CATSPERD: variants seen among roughly 807,000 people sequenced by gnomAD.
The protein encoded by CATSPERD is catsper channel auxiliary subunit delta.
CATSPERD carries 86 observed loss-of-function variants against 98.1 expected under a neutral mutation model. The observed-to-expected ratio is 0.88, with a 90% CI of 0.74 to 1.05. The LOEUF is 1.05. CATSPERD is among the 50% of genes least tolerant of loss of function. The pLI is 0.00. For synonymous variants in CATSPERD, 394 were observed against 390.2 expected (o/e 1.01, Z -0.12); for missense variants, 995 against 1,005.7 (o/e 0.99, Z 0.14).
intron 15 of CATSPERD, among the ~76,000 whole-genome samples, chr19:5,761,021 T>G (rs1327006475): frequency 2.9e-5 from 4 of 137,122 alleles, no homozygotes; most frequent in African/African-American, 1.0e-4. Flanking sequence ...TTGTGAAGTT[T>G]TTTTTATTTG....
intron 12 of CATSPERD, 50 bp from the exon 13 acceptor site, chr19:5,754,082 T>C (rs1345758801): frequency 7.5e-7 from 1 of 1,330,294 alleles, no homozygotes; most frequent in East Asian, 2.3e-5. Flanking sequence ...TTGCCCTTTC[T>C]TTATGGGAAC....
intron 3 of CATSPERD, 137 bp from the exon 4 acceptor site, chr19:5,729,735 A>G (rs1011471896): frequency 3.5e-6 from 2 of 568,254 alleles, no homozygotes; most frequent in Non-Finnish European, 6.3e-6. Context: ...TATGCAAAAT[A>G]AGTAAATTAT....
At position 5,778,561 on chromosome 19, in the gene CATSPERD, A is replaced by G; in HGVS notation, c.2282A>G (p.Gln761Arg). Residue 761 changes from glutamine to arginine, a missense_variant, in exon 22 of 22, where the codon CAG becomes CGG. Coordinates refer to ENST00000381624, the MANE Select transcript of CATSPERD (RefSeq NM_152784.4). The part of the protein sequence containing the change: ...RGRRIKKCAT[Q>R]LCRRCKTVCQ... ...CGCAGGATCAAGAAGTGTGCGACAC[A>G]GCTGTGTAGGAGATGCAAGACGGTC... The G allele has an allele frequency of 6.2e-7, 1 of 1,613,954 alleles. No individual in the cohort carries two copies. The highest frequency in any genetic ancestry group is 8.5e-7 in the Non-Finnish European group (1 of 1,180,024).
Position 5,759,566 on chromosome 19 carries a change from C to CAA in CATSPERD, c.1427+440_1427+441dup, listed in dbSNP as rs35459854. 6.1e-3 allele frequency among the ~76,000 whole-genome samples: 509 copies of CAA among 84,010 alleles called. 6 individuals carry two copies. Among genetic ancestry groups the CAA allele is most frequent in the African/African-American group, 0.023 (490 of 21,478 alleles). The allele number at this position is 84,010 out of a possible 152,430, so 55.1% of individuals were successfully genotyped here. On this transcript the variant is annotated intron_variant, in intron 15 of 21. Transcript: ENST00000381624. ...GGCGACAAACATGAAACTCCAGCTCCAAAAAAAAAAAAAAAAAAAGCAAAA... is the reference window on the plus strand; with the variant it reads ...GGCGACAAACATGAAACTCCAGCTCCAAAAAAAAAAAAAAAAAAAAAGCAAAA...
rs1436799672 is a variant in CATSPERD at position 5,720,668 on chromosome 19, A to G, written c.-70A>G. ...GCGCATGCGCAGGGCTTCAGCCTGC[A>G]CGTACTCGGATTGTGCAGCGACTCC... On this transcript the variant is annotated 5_prime_UTR_variant, in exon 1 of 22. Coordinates refer to ENST00000381624, the MANE Select transcript of CATSPERD (RefSeq NM_152784.4). 6.8e-7 allele frequency: 1 copy of G among 1,465,776 alleles called. No homozygotes were observed. Among genetic ancestry groups the G allele is most frequent in the Non-Finnish European group, 9.4e-7 (1 of 1,066,910 alleles). 90.8% of individuals were successfully genotyped at this position (1,465,776 alleles called of 1,614,324 possible). A position where few individuals can be genotyped will look rare whatever the true frequency, so the allele number is the denominator to read the frequency against.
At chr19:5,767,768 TTTTA>T (rs2056569441) in intron 17 of CATSPERD, among the ~76,000 whole-genome samples, 1 of 69,752 alleles carries the variant, frequency 1.4e-5, no homozygotes, top group East Asian at 3.1e-4. Flanking sequence ...GCCCTCCCTT[TTTTA>T]TTTGTTTTAT....
chr19:5,775,834 C>G (rs535463153), intron 20 of CATSPERD, among the ~76,000 whole-genome samples: 1 of 152,048 alleles, frequency 6.6e-6, no homozygotes, highest in Non-Finnish European at 1.5e-5. Flanking sequence ...GGGCGGCAGA[C>G]GCAGTTTGTC....
intron 4 of CATSPERD, among the ~76,000 whole-genome samples, chr19:5,731,862 A>G (rs1272168605): frequency 6.6e-6 from 1 of 152,174 alleles, no homozygotes; most frequent in Non-Finnish European, 1.5e-5. Flanking sequence ...GGCGTGAGCC[A>G]CCGCGCCCGG....
chr19:5,727,867 T>C (rs2145683447), intron 3 of CATSPERD, among the ~76,000 whole-genome samples: 1 of 151,964 alleles, frequency 6.6e-6, no homozygotes, highest in East Asian at 1.9e-4. Context: ...CTCCTGTTTG[T>C]ATTCAAGACA....
intron 18 of CATSPERD, among the ~76,000 whole-genome samples, chr19:5,770,442 A>C (rs1174780378): frequency 6.6e-6 from 1 of 151,608 alleles, no homozygotes. Context: ...AAAAAAAAAA[A>C]AAAAGGCAAA....
At chr19:5,738,756 A>G (rs1195282554) in intron 6 of CATSPERD, among the ~76,000 whole-genome samples, 1 of 152,024 alleles carries the variant, frequency 6.6e-6, no homozygotes, top group Non-Finnish European at 1.5e-5. Context: ...GCTAATTTTT[A>G]GTACAGGTGG....
intron 20 of CATSPERD, among the ~76,000 whole-genome samples, chr19:5,773,972 T>TTG (rs2056695808): frequency 6.8e-6 from 1 of 146,510 alleles, no homozygotes; most frequent in Admixed American, 6.8e-5. Flanking sequence ...CATTTGCTTT[T>TTG]TTTTTTTTTT....
chr19:5,744,581 A>T, intron 8 of CATSPERD, 71 bp downstream of exon 8: 1 of 958,892 alleles, frequency 1.0e-6, no homozygotes, highest in Non-Finnish European at 1.6e-6. Flanking sequence ...TACAACTCGC[A>T]CATTTTTAAA....
chr19:5,756,627 A>G (rs1316386547), intron 13 of CATSPERD, among the ~76,000 whole-genome samples: 1 of 152,018 alleles, frequency 6.6e-6, no homozygotes, highest in Non-Finnish European at 1.5e-5. Context: ...CTAACTTCCA[A>G]TGCTTGGTAG....
Position 5,745,968 on chromosome 19 carries a change from A to G in CATSPERD, c.713A>G (p.Asp238Gly), listed in dbSNP as rs200681020. The G allele has an allele frequency of 1.9e-6, 3 of 1,614,062 alleles. No individual in the cohort carries two copies. Among genetic ancestry groups the G allele is most frequent in the Non-Finnish European group, 2.5e-6 (3 of 1,179,986 alleles). ...PLNRSFGLSFDYNGTLDILIA... is the reference protein window; with the variant it reads ...PLNRSFGLSFGYNGTLDILIA... Reference sequence around the variant, plus strand: ...AACCGGAGTTTCGGGCTGTCTTTTGACTATAATGGGACTCTAGACATCCTC... The same window carrying G: ...AACCGGAGTTTCGGGCTGTCTTTTGGCTATAATGGGACTCTAGACATCCTC... Residue 238 changes from aspartate to glycine, a missense_variant, in exon 9 of 22, where the codon GAC becomes GGC. Transcript: ENST00000381624.
intron 7 of CATSPERD, among the ~76,000 whole-genome samples, chr19:5,742,257 GGTGTGCGTGTGCATGTGTGTACGTGT>G (rs2055998413): frequency 2.8e-5 from 4 of 143,440 alleles, no homozygotes; most frequent in African/African-American, 7.9e-5. Flanking sequence ...AATGTGTGTG[GGTGTGCGTGTGCATGTGTGTACGTGT>G]GTGTGCGTGT....
In CATSPERD at chr19:5,772,779, G is replaced by A; in HGVS notation, c.1764-9G>A. The A allele has an allele frequency of 6.2e-7, 1 of 1,612,436 alleles. No individual in the cohort carries two copies. On this transcript the variant is annotated splice_polypyrimidine_tract_variant and intron_variant, in intron 19 of 21. Coordinates refer to ENST00000381624, the MANE Select transcript of CATSPERD (RefSeq NM_152784.4). Reference sequence around the variant, plus strand: ...CCCTGCACAGCCCTGCCCCGTGCCTGTGTCCTAGGTGGCGAAAAGACAGTT... The same window carrying A: ...CCCTGCACAGCCCTGCCCCGTGCCTATGTCCTAGGTGGCGAAAAGACAGTT...
In CATSPERD at chr19:5,741,794, G is replaced by T. The variant is rs1488972459; in HGVS notation, c.573+2355G>T. Among the ~76,000 whole-genome samples, 2 of 93,496 alleles carry T rather than the reference G, an allele frequency of 2.1e-5. 1 individual carries two copies. Among genetic ancestry groups the T allele is most frequent in the Non-Finnish European group, 5.0e-5 (2 of 39,882 alleles). The allele number at this position is 93,496 out of a possible 152,430, so 61.3% of individuals were successfully genotyped here. ...TTTGGGATGCTGAAGGCGGGGGGGG[G>T]GGGGTGGTGTGGATCACTTGAGGTC... On this transcript the variant is annotated intron_variant, in intron 7 of 21. Coordinates refer to ENST00000381624, the MANE Select transcript of CATSPERD (RefSeq NM_152784.4).
intron 17 of CATSPERD, among the ~76,000 whole-genome samples, 165 bp from the exon 18 acceptor site, chr19:5,768,003 G>A (rs2056575114): frequency 6.6e-6 from 1 of 151,952 alleles, no homozygotes; most frequent in Non-Finnish European, 1.5e-5. Flanking sequence ...TCCTCATGTT[G>A]GCCAGGCTGG....
Sources: gnomAD v4.1 joint callset for allele counts (sites outside exome capture counted in the v4.1 genomes callset) on GRCh38, gnomAD v4.1.1 for gene constraint, MANE v1.5 for transcripts, NCBI Gene and HGNC (gene_info 2026-07-23, HGNC 2026-07-21) for gene names.